RASGEF1B: variants seen among roughly 807,000 people sequenced by gnomAD.
RASGEF1B encodes RasGEF domain family member 1B, also known as ras-GEF domain-containing family member 1B.
RASGEF1B carries 30 observed loss-of-function variants against 65.7 expected under a neutral mutation model. That is an observed-to-expected ratio of 0.46 (90% CI 0.34 to 0.62). RASGEF1B has a LOEUF of 0.62. Among genes scored for constraint, RASGEF1B ranks in the 20% least tolerant of loss-of-function variants. The pLI, the probability that RASGEF1B is intolerant of heterozygous loss-of-function variation, is 0.01. For synonymous variants in RASGEF1B, 175 were observed against 194.8 expected (o/e 0.90, Z 0.85); for missense variants, 495 against 580.1 (o/e 0.85, Z 1.51).
intron 3 of RASGEF1B, 107 bp downstream of exon 3, chr4:81,457,392 T>G: frequency 9.8e-7 from 1 of 1,020,744 alleles, no homozygotes; most frequent in Non-Finnish European, 1.5e-6. Context: ...ATGCCATTTA[T>G]GCACTTCAGC....
intron 3 of RASGEF1B, 148 bp from the exon 4 acceptor site, chr4:81,456,936 A>G: frequency 1.5e-6 from 1 of 662,644 alleles, no homozygotes; most frequent in Non-Finnish European, 2.6e-6. Context: ...CTCCATGTCA[A>G]TGCCAAGTGC....
chr4:81,471,006 G>A (rs1467446986), intron 1 of RASGEF1B: 1 of 152,116 alleles, frequency 6.6e-6, no homozygotes, highest in Non-Finnish European at 1.5e-5. Flanking sequence ...GACTGCCCGC[G>A]AGGCTCCTAG....
Position 81,433,910 on chromosome 4 carries a change from C to T in RASGEF1B, c.1254G>A (p.Val418=), listed in dbSNP as rs1379437891. The change falls in exon 12 of 14, where the codon GTG becomes GTA. Residue 418 remains valine, a synonymous_variant. Transcript: ENST00000264400. ...QVSEFMTWKQ[V]ECPFERDRKI... is the part of the protein sequence containing the mutation. ...TCCGGTCCCTCTCAAATGGACACTC[C>T]ACTTGTTTCCATGTCATAAATTCAC... is the stretch of plus-strand genomic sequence containing the variant. 1.2e-6 allele frequency: 2 copies of T among 1,613,780 alleles called. No individual in the cohort carries two copies. Among genetic ancestry groups the T allele is most frequent in the Non-Finnish European group, 1.7e-6 (2 of 1,179,694 alleles).
chr4:81,435,635 AT>A (rs1201507247), intron 10 of RASGEF1B, among the ~76,000 whole-genome samples: 124 of 140,230 alleles, frequency 8.8e-4, no homozygotes, highest in East Asian at 1.3e-3. Context: ...TGCCCGGCTA[AT>A]TTTTTTTTTT....
intron 1 of RASGEF1B, among the ~76,000 whole-genome samples, chr4:81,466,285 G>T (rs770208753): frequency 6.6e-6 from 1 of 152,066 alleles, no homozygotes; most frequent in African/African-American, 2.4e-5. Flanking sequence ...AAGAGTTCAC[G>T]TATTTCAGCT....
At chr4:81,428,754 CT>C (rs564983698) in intron 13 of RASGEF1B, among the ~76,000 whole-genome samples, 159 of 152,266 alleles carry the variant, frequency 1.0e-3, no homozygotes, top group African/African-American at 3.6e-3. Flanking sequence ...AAGAATATTT[CT>C]GAAAACAACA....
At chr4:81,435,283 C>A (rs1252241686) in intron 10 of RASGEF1B, among the ~76,000 whole-genome samples, 1 of 151,006 alleles carries the variant, frequency 6.6e-6, no homozygotes, top group South Asian at 2.1e-4. Flanking sequence ...TGGTGGCGGG[C>A]GCCTGTAGTC....
chr4:81,470,855 C>G (rs896014139), intron 1 of RASGEF1B, among the ~76,000 whole-genome samples: 15 of 152,096 alleles, frequency 9.9e-5, no homozygotes, highest in Non-Finnish European at 2.1e-4. Context: ...TTGGTTGGGG[C>G]AAGACAGCAA....
At chr4:81,450,418 T>C (rs1442891709) in intron 4 of RASGEF1B, among the ~76,000 whole-genome samples, 4 of 151,978 alleles carry the variant, frequency 2.6e-5, no homozygotes, top group African/African-American at 9.7e-5. Context: ...CAGGCTGGAG[T>C]GTAGTGGTGT....
intron 1 of RASGEF1B, among the ~76,000 whole-genome samples, chr4:81,466,284 C>T (rs956379610): frequency 3.3e-5 from 5 of 152,118 alleles, no homozygotes; most frequent in African/African-American, 9.7e-5. Context: ...TAAGAGTTCA[C>T]GTATTTCAGC....
Position 81,445,768 on chromosome 4 carries a change from T to C in RASGEF1B, c.800A>G (p.Tyr267Cys), listed in dbSNP as rs1722000698. The part of the protein sequence containing the change: ...AYVEWFNRLS[Y>C]LVATEICMPV... ...CATACAGATTTCTGTAGCAACCAAG[T>C]AGCTGAGGCGATTAAACCATTCCAC... Residue 267 changes from tyrosine (Y) to cysteine (C), a missense_variant, in exon 7 of 14, where the codon TAC (tyrosine) becomes TGC (cysteine). Physicochemically the swap from Tyr to Cys is radical, Grantham distance 194. Coordinates refer to ENST00000264400, the MANE Select transcript of RASGEF1B (RefSeq NM_152545.3). 2 of 1,613,822 alleles carry C rather than the reference T, an allele frequency of 1.2e-6. No individual in the cohort carries two copies. The highest frequency in any genetic ancestry group is 1.7e-6 in the Non-Finnish European group (2 of 1,179,846).
rs76150839 is a variant in RASGEF1B at position 81,430,356 on chromosome 4, C to T, written c.1397+1943G>A. Among the ~76,000 whole-genome samples the T allele has an allele frequency of 9.0e-3, 1,374 of 152,286 alleles. 18 individuals are homozygous for T. The highest frequency in any genetic ancestry group is 0.029 in the African/African-American group (1,197 of 41,556). ...TCATTTTCCAAGCCTATGTGCGACCCGATTCTTCCAGTACACCGAGGCAAG... is the reference window on the plus strand; with the variant it reads ...TCATTTTCCAAGCCTATGTGCGACCTGATTCTTCCAGTACACCGAGGCAAG... On this transcript the variant is annotated intron_variant, in intron 13 of 13. Transcript: ENST00000264400.
In RASGEF1B at chr4:81,441,540, A is replaced by ATTT. The variant is rs552908407; in HGVS notation, c.1009-614_1009-612dup. ...TCAAATACACATACTCTTGCACGCG[A>ATTT]TTTTTTTTTTTTTTTTTTTGAGACA... On this transcript the variant is annotated intron_variant, in intron 9 of 13. Transcript: ENST00000264400. 1.7e-3 allele frequency among the ~76,000 whole-genome samples: 231 copies of ATTT among 133,836 alleles called. 3 individuals are homozygous for ATTT. The highest frequency in any genetic ancestry group is 6.1e-3 in the African/African-American group (216 of 35,488). The allele number at this position is 133,836 out of a possible 152,430, so 87.8% of individuals were successfully genotyped here. A position where few individuals can be genotyped will look rare whatever the true frequency, so the allele number is the denominator to read the frequency against.
chr4:81,471,728 G>A, intron 1 of RASGEF1B, 42 bp downstream of exon 1: 1 of 152,626 alleles, frequency 6.6e-6, no homozygotes, highest in East Asian at 1.9e-4. Flanking sequence ...CCGGGCTGTG[G>A]TCCCCCAGCC....
At position 81,445,854 on chromosome 4, in the gene RASGEF1B, A is replaced by G. The variant is rs764939730; in HGVS notation, c.730-16T>C. ...TGTAGCAACTCTTTAGAGAAAACAA[A>G]GTAAACAGATGAGTTAGAGGAAAAA... On this transcript the variant is annotated splice_polypyrimidine_tract_variant and intron_variant, in intron 6 of 13. Coordinates refer to ENST00000264400, the MANE Select transcript of RASGEF1B (RefSeq NM_152545.3). 6.3e-7 allele frequency: 1 copy of G among 1,592,984 alleles called. No homozygotes were observed. Among genetic ancestry groups the G allele is most frequent in the South Asian group, 1.1e-5 (1 of 90,326 alleles).
intron 1 of RASGEF1B, among the ~76,000 whole-genome samples, chr4:81,471,433 A>C (rs537443300): frequency 8.8e-4 from 134 of 152,258 alleles, no homozygotes; most frequent in Middle Eastern, 3.4e-3. Flanking sequence ...GCACAACCCA[A>C]CCCAACCCAA....
At chr4:81,431,102 T>A (rs1721413850) in intron 13 of RASGEF1B, among the ~76,000 whole-genome samples, 1 of 152,046 alleles carries the variant, frequency 6.6e-6, no homozygotes, top group Admixed American at 6.5e-5. Context: ...AAATCTTTTA[T>A]CCAGCAAGAT....
At position 81,427,704 on chromosome 4, in the gene RASGEF1B, A is replaced by G; in HGVS notation, c.*64T>C. ...TTCGTGGTACGAGATGCCAGAAAAC[A>G]AAGGCCAGCCCCTCCATGATCTGCA... On this transcript the variant is annotated 3_prime_UTR_variant, in exon 14 of 14. Transcript: ENST00000264400. 2 of 1,602,726 alleles carry G rather than the reference A, an allele frequency of 1.2e-6. No homozygotes were observed. Among genetic ancestry groups the G allele is most frequent in the South Asian group, 1.1e-5 (1 of 90,422 alleles).
At chr4:81,457,974 T>C (rs530054176) in intron 2 of RASGEF1B, among the ~76,000 whole-genome samples, 9 of 152,324 alleles carry the variant, frequency 5.9e-5, no homozygotes, top group Admixed American at 5.9e-4. Flanking sequence ...CTTACTTGAA[T>C]ATACTACCCA....
Sources: gnomAD v4.1 joint callset for allele counts (sites outside exome capture counted in the v4.1 genomes callset) on GRCh38, gnomAD v4.1.1 for gene constraint, MANE v1.5 for transcripts, NCBI Gene and HGNC (gene_info 2026-07-23, HGNC 2026-07-21) for gene names.